Variants in UNC45A observed in about 807,000 individuals in gnomAD.
The protein encoded by UNC45A is protein unc-45 homolog A.
A neutral mutation model predicts 103.2 loss-of-function variants in UNC45A; 78 were observed. The ratio of observed to expected loss-of-function variants is 0.76; its 90% CI spans 0.63 to 0.91. The LOEUF (loss-of-function observed/expected upper bound fraction) is 0.91, where lower values mean the gene tolerates loss of function less well. UNC45A is among the 40% of genes least tolerant of loss of function. The pLI, the probability that UNC45A is intolerant of heterozygous loss-of-function variation, is 0.00. For missense variants in UNC45A, 1,193 were observed against 1,224.8 expected, an observed-to-expected ratio of 0.97 and a Z score of 0.39; for synonymous variants, 495 against 504.6, an observed-to-expected ratio of 0.98 and a Z score of 0.25.
intron 5 of UNC45A, 143 bp from the exon 6 acceptor site, chr15:90,940,162 AC>A: frequency 1.2e-6 from 1 of 860,496 alleles, no homozygotes; most frequent in Non-Finnish European, 1.8e-6. Flanking sequence ...AGGAAGCTAA[AC>A]TTCAAAGAGG....
chr15:90,953,154 G>A lies in UNC45A; in HGVS notation c.2422-1G>A. 1 of 1,613,304 alleles carries A rather than the reference G, an allele frequency of 6.2e-7. No homozygotes were observed. The highest frequency in any genetic ancestry group is 8.5e-7 in the Non-Finnish European group (1 of 1,179,572). ...GGTCCACTCCTCACATCTGGCCACA[G>A]GTGCAGGACCTCTTCGAAGCCCAGG... On this transcript the variant is annotated splice_acceptor_variant, in intron 18 of 19. Transcript: ENST00000418476. LOFTEE classifies it high-confidence loss of function.
chr15:90,934,167 C>G, upstream of UNC45A: 1 of 399,412 alleles, frequency 2.5e-6, no homozygotes, highest in East Asian at 3.6e-5. Context: ...CCCTGTGGCC[C>G]ACCTGCCTCT....
chr15:90,950,571 G>T lies in UNC45A; in HGVS notation c.2259G>T (p.Ala753=), dbSNP rs746752281. ...GCTCAGGCCTGCAGAACTTCGAGGCGCTCATGGCCCTAACAAACCTGGCTG... is the reference window on the plus strand; with the variant it reads ...GCTCAGGCCTGCAGAACTTCGAGGCTCTCATGGCCCTAACAAACCTGGCTG... ...LNCSGLQNFE[A]LMALTNLAGI... Residue 753 remains alanine, a synonymous_variant, in exon 17 of 20, where the codon GCG becomes GCT. Coordinates refer to ENST00000418476, the MANE Select transcript of UNC45A (RefSeq NM_018671.5). 1 of 1,614,176 alleles carries T rather than the reference G, an allele frequency of 6.2e-7. No individual in the cohort carries two copies. The highest frequency in any genetic ancestry group is 8.5e-7 in the Non-Finnish European group (1 of 1,180,028).
chr15:90,931,481 T>C (rs1596199635), upstream of UNC45A: 2 of 1,614,044 alleles, frequency 1.2e-6, no homozygotes, highest in Admixed American at 1.7e-5. Flanking sequence ...CCTGGCAAGC[T>C]TGGTTCAAGG....
At position 90,935,665 on chromosome 15, in the gene UNC45A, C is replaced by A. The variant is rs2151353641; in HGVS notation, c.173C>A (p.Ala58Asp). Residue 58 changes from alanine (A) to aspartate (D), a missense_variant, in exon 2 of 20, where the codon GCC (alanine) becomes GAC (aspartate). Transcript: ENST00000418476. ...LGLDATPQDQ[A>D]VLHRNRAACH... ...CTGGACGCGACGCCCCAGGACCAGG[C>A]CGTTCTGCACCGGAACCGGGCCGCC... 1.3e-6 allele frequency: 2 copies of A among 1,586,552 alleles called. No homozygotes were observed. Among genetic ancestry groups the A allele is most frequent in the East Asian group, 2.2e-5 (1 of 44,654 alleles).
At chr15:90,932,750 T>C (rs914710235), upstream of UNC45A, 1 of 394,806 alleles carries the variant, frequency 2.5e-6, no homozygotes, top group Non-Finnish European at 4.5e-6. Context: ...CCCAGCTCAG[T>C]GTGCTCTGTT....
upstream of UNC45A, chr15:90,932,246 T>C: frequency 1.0e-6 from 1 of 996,414 alleles, no homozygotes; most frequent in Non-Finnish European, 1.4e-6. Context: ...CCTTACCCTC[T>C]GGGAGCCAAC....
In UNC45A at chr15:90,948,045, A is replaced by G. The variant is rs8043458; in HGVS notation, c.1596-97A>G. ...GTACGTGAACTGCTTCTGTACATTG[A>G]GGGGATGCCCAAACCCTTGGTTTTT... On this transcript the variant is annotated intron_variant, in intron 11 of 19. Transcript: ENST00000418476. 3.2e-4 allele frequency: 502 copies of G among 1,563,158 alleles called. 3 individuals carry two copies. In the African/African-American group the frequency reaches 5.9e-3, roughly 18 times the overall value.
intron 9 of UNC45A, among the ~76,000 whole-genome samples, chr15:90,946,253 CAA>C (rs60118193): frequency 0.29 from 30,151 of 104,246 alleles, 2,791 homozygotes; most frequent in East Asian, 0.54. Context: ...GACTCTGTCT[CAA>C]AAAAAAAAAA....
Position 90,936,339 on chromosome 15 carries a change from T to C in UNC45A, c.305T>C (p.Leu102Pro), listed in dbSNP as rs1481042855. 1.2e-6 allele frequency: 2 copies of C among 1,614,132 alleles called. No homozygotes were observed. Among genetic ancestry groups the C allele is most frequent in the African/African-American group, 1.3e-5 (1 of 75,048 alleles). The change falls in exon 4 of 20, where the codon CTA becomes CCA. Residue 102 changes from leucine to proline, a missense_variant. Transcript: ENST00000418476. ...GCACTCTACCGGCGGAGCCAAGCCC[T>C]AGAGAAGCTGGGCCGCCTGGACCAG... ...VKALYRRSQA[L>P]EKLGRLDQAV...
In UNC45A at chr15:90,944,998, C is replaced by G; in HGVS notation, c.1134C>G (p.Leu378=). 1 of 1,613,096 alleles carries G rather than the reference C, an allele frequency of 6.2e-7. No individual in the cohort carries two copies. Among genetic ancestry groups the G allele is most frequent in the East Asian group, 2.2e-5 (1 of 44,886 alleles). The change falls in exon 9 of 20, where the codon CTC becomes CTG. Residue 378 remains leucine, a synonymous_variant. Coordinates refer to ENST00000418476, the MANE Select transcript of UNC45A (RefSeq NM_018671.5). ...GCGCCTCTATTCTCCTCAGCAAGCT[C>G]TTTGATGACCTCAAGTGTGATGCGG... The part of the protein sequence containing the change: ...RMSASILLSK[L]FDDLKCDAER...
At chr15:90,937,236 C>T (rs973514773) in intron 4 of UNC45A, among the ~76,000 whole-genome samples, 6 of 152,124 alleles carry the variant, frequency 3.9e-5, no homozygotes, top group East Asian at 1.9e-4. Flanking sequence ...GTCCCAGCTA[C>T]CTGTGAGGCT....
intron 14 of UNC45A, 85 bp downstream of exon 14, chr15:90,949,528 G>A: frequency 6.2e-7 from 1 of 1,601,090 alleles, no homozygotes; most frequent in Non-Finnish European, 8.5e-7. Context: ...GCAGGTTCCA[G>A]TGCTGTGGGC....
intron 8 of UNC45A, 146 bp from the exon 9 acceptor site, chr15:90,944,746 A>G: frequency 2.1e-6 from 2 of 939,864 alleles, no homozygotes; most frequent in South Asian, 2.1e-5. Context: ...TCAGCTAAGC[A>G]GATTCTCCGG....
chr15:90,932,002 A>G (rs2035812905), upstream of UNC45A: 14 of 1,613,968 alleles, frequency 8.7e-6, no homozygotes, highest in East Asian at 3.1e-4. Context: ...CCATTGCTGA[A>G]TGGGGCCCCT....
rs766977250 is a variant in UNC45A, at chr15:90,946,810, G to C, written c.1396G>C (p.Gly466Arg). 5.6e-6 allele frequency: 9 copies of C among 1,614,234 alleles called. No homozygotes were observed. The South Asian group carries it at 7.7e-5, about 14-fold the overall frequency. Residue 466 changes from glycine to arginine, a missense_variant, in exon 10 of 20, where the codon GGC (glycine) becomes CGC (arginine). By Grantham distance (125) the Gly-to-Arg change is moderately radical. Coordinates refer to ENST00000418476, the MANE Select transcript of UNC45A (RefSeq NM_018671.5). ...CGTGGAGGCTCTGATCCATGCAGCCGGCAAGGCTAAGCGGGCCTCATTCAT... is the reference window on the plus strand; with the variant it reads ...CGTGGAGGCTCTGATCCATGCAGCCCGCAAGGCTAAGCGGGCCTCATTCAT... Reference protein sequence around the residue: ...VAVEALIHAAGKAKRASFITA... With the variant: ...VAVEALIHAARKAKRASFITA...
chr15:90,940,986 A>G (rs1415581767), intron 6 of UNC45A: 1 of 152,240 alleles, frequency 6.6e-6, no homozygotes, highest in African/African-American at 2.4e-5. Flanking sequence ...GAGAGAAAAA[A>G]TAAAAATGGC....
In UNC45A at chr15:90,949,637, C is replaced by T. The variant is rs1347330438; in HGVS notation, c.2007-17C>T. 1 of 1,613,888 alleles carries T rather than the reference C, an allele frequency of 6.2e-7. No individual in the cohort carries two copies. Among genetic ancestry groups the T allele is most frequent in the East Asian group, 2.2e-5 (1 of 44,886 alleles). ...GAGTCCCAGAGCTGCCTGCCCACCACCGCCTTCTCCCCACAGGGTCTTCTT... is the reference window on the plus strand; with the variant it reads ...GAGTCCCAGAGCTGCCTGCCCACCATCGCCTTCTCCCCACAGGGTCTTCTT... On this transcript the variant is annotated splice_polypyrimidine_tract_variant and intron_variant, in intron 14 of 19. Coordinates refer to ENST00000418476, the MANE Select transcript of UNC45A (RefSeq NM_018671.5).
Position 90,950,649 on chromosome 15 carries a change from G to C in UNC45A, c.2303+34G>C, listed in dbSNP as rs367701416. On this transcript the variant is annotated intron_variant, in intron 17 of 19. Coordinates refer to ENST00000418476, the MANE Select transcript of UNC45A (RefSeq NM_018671.5). The stretch of plus-strand genomic sequence containing the variant: ...CCTTGGGATTGCGGGGCCTGGACCA[G>C]GCATCGGGATTCGGAATATCCCCCA... 22 of 1,603,916 alleles carry C rather than the reference G, an allele frequency of 1.4e-5. No homozygotes were observed. The South Asian group carries it at 1.9e-4, about 14-fold the overall frequency.
Sources: allele counts gnomAD v4.1 joint callset (sites outside exome capture counted in the v4.1 genomes callset), GRCh38; gene constraint gnomAD v4.1.1; transcripts MANE v1.5; gene names NCBI Gene and HGNC (gene_info 2026-07-23, HGNC 2026-07-21).